Variants in SIMC1 observed in about 807,000 individuals in gnomAD.
SIMC1 encodes SUMO interacting motifs containing 1.
SIMC1 carries 55 observed loss-of-function variants against 82.3 expected under a neutral mutation model. That is an observed-to-expected ratio of 0.67 (90% CI 0.54 to 0.84). SIMC1 has a LOEUF of 0.84. Among genes scored for constraint, SIMC1 ranks in the 40% least tolerant of loss-of-function variants. The probability of loss-of-function intolerance (pLI) is 0.00; values close to 1 mark genes in which losing one functional copy is unlikely to be tolerated. For missense variants in SIMC1, 915 were observed against 1,107.2 expected (o/e 0.83, Z 2.46); for synonymous variants, 353 against 426.3 (o/e 0.83, Z 2.12).
intron 9 of SIMC1, among the ~76,000 whole-genome samples, chr5:176,337,448 G>A (rs1765951170): frequency 6.6e-6 from 1 of 152,122 alleles, no homozygotes; most frequent in South Asian, 2.1e-4. Flanking sequence ...ACAAAAATTA[G>A]CCAGGCGTGG....
Position 176,290,943 on chromosome 5 carries a change from A to C in SIMC1, c.1419A>C (p.Lys473Asn), listed in dbSNP as rs765570616. The C allele has an allele frequency of 2.5e-6, 4 of 1,586,972 alleles. No individual in the cohort carries two copies. Among genetic ancestry groups the C allele is most frequent in the Non-Finnish European group, 3.4e-6 (4 of 1,164,810 alleles). The change falls in exon 2 of 10, where the codon AAA (lysine) becomes AAC (asparagine). Residue 473 changes from lysine (K) to asparagine (N), a missense_variant. Transcript: ENST00000429602. Reference sequence around the variant, plus strand: ...TCTTTCAGACGCTAATACCGGATAAAGACACAAGAGAGGTGAGCTAACATC... The same window carrying C: ...TCTTTCAGACGCTAATACCGGATAACGACACAAGAGAGGTGAGCTAACATC... ...HLFFQTLIPDKDTRENKGQKL... is the reference protein window; with the variant it reads ...HLFFQTLIPDNDTRENKGQKL...
intron 1 of SIMC1, among the ~76,000 whole-genome samples, chr5:176,252,851 T>C (rs919753359): frequency 4.6e-5 from 7 of 152,156 alleles, no homozygotes; most frequent in Admixed American, 6.5e-5. Flanking sequence ...CTGGGCACCA[T>C]TGAGCACTGA....
In SIMC1 at chr5:176,297,489, C is replaced by T. The variant is rs1056785193; in HGVS notation, c.1734+1169C>T. The stretch of plus-strand genomic sequence containing the variant: ...TGCACTCTAGTCTGGGCAGCAAGAG[C>T]GAAACTCTGTCTCAAAAAAAAAAAA... On this transcript the variant is annotated intron_variant, in intron 4 of 9. Transcript: ENST00000429602. 4.2e-5 allele frequency among the ~76,000 whole-genome samples: 5 copies of T among 120,322 alleles called. No individual in the cohort carries two copies. In the Admixed American group the frequency reaches 4.6e-4, roughly 11 times the overall value. The allele number at this position is 120,322 out of a possible 152,430, so 78.9% of individuals were successfully genotyped here. A position where few individuals can be genotyped will look rare whatever the true frequency, so the allele number is the denominator to read the frequency against.
intron 5 of SIMC1, among the ~76,000 whole-genome samples, chr5:176,316,280 G>C (rs1404766143): frequency 6.6e-6 from 1 of 152,120 alleles, no homozygotes; most frequent in Non-Finnish European, 1.5e-5. Flanking sequence ...GAGTGAGTGG[G>C]ATACCCAAGG....
intron 4 of SIMC1, among the ~76,000 whole-genome samples, chr5:176,303,509 C>T (rs1015866311): frequency 3.3e-5 from 5 of 151,530 alleles, no homozygotes; most frequent in African/African-American, 4.9e-5. Context: ...TTAATAGAGA[C>T]GGGTTTCTCC....
chr5:176,246,170 T>C (rs1256219543), intron 1 of SIMC1, among the ~76,000 whole-genome samples: 2 of 151,226 alleles, frequency 1.3e-5, no homozygotes, highest in Admixed American at 1.3e-4. Flanking sequence ...CCACTACACC[T>C]GGCTAATTTT....
chr5:176,336,725 T>A lies in SIMC1; in HGVS notation c.2177T>A (p.Met726Lys), dbSNP rs772248367. 1.9e-6 allele frequency: 3 copies of A among 1,613,816 alleles called. No individual in the cohort carries two copies. In the African/African-American group the frequency reaches 4.0e-5, roughly 22 times the overall value. ...TCTTCCTCTTCTCCACACAGAGAAA[T>A]GTTCTTTACTACCATGGAAAGCCAC... ...LDIPERSQRE[M>K]FFTTMESHLL... is the part of the protein sequence containing the mutation. The change falls in exon 8 of 10, where the codon ATG (methionine) becomes AAG (lysine). Residue 726 changes from methionine to lysine, a missense_variant. Coordinates refer to ENST00000429602, the MANE Select transcript of SIMC1 (RefSeq NM_001308195.2).
intron 1 of SIMC1, among the ~76,000 whole-genome samples, chr5:176,250,226 A>C (rs1273665428): frequency 6.6e-6 from 1 of 152,180 alleles, no homozygotes; most frequent in Non-Finnish European, 1.5e-5. Flanking sequence ...TTATTTACCC[A>C]GTAGTTATTC....
Position 176,261,388 on chromosome 5 carries a change from T to A in SIMC1, c.129+22751T>A, listed in dbSNP as rs575265353. 2.8e-3 allele frequency among the ~76,000 whole-genome samples: 434 copies of A among 152,320 alleles called. 1 individual carries two copies. The highest frequency in any genetic ancestry group is 0.01 in the Middle Eastern group (3 of 294). On this transcript the variant is annotated intron_variant, in intron 1 of 9. Transcript: ENST00000429602. Reference sequence around the variant, plus strand: ...CCATTGGAATTTTGTTTGTAATTATTAAGCTTATAGATCAATTTGGGTAGA... The same window carrying A: ...CCATTGGAATTTTGTTTGTAATTATAAAGCTTATAGATCAATTTGGGTAGA...
intron 1 of SIMC1, among the ~76,000 whole-genome samples, chr5:176,274,689 G>T (rs1013915098): frequency 6.6e-6 from 1 of 151,864 alleles, no homozygotes; most frequent in Non-Finnish European, 1.5e-5. Flanking sequence ...CGTATAAGGT[G>T]TAAGGAAGGG....
chr5:176,331,677 G>T (rs1765678186), intron 7 of SIMC1, among the ~76,000 whole-genome samples: 1 of 151,392 alleles, frequency 6.6e-6, no homozygotes, highest in African/African-American at 2.4e-5. Flanking sequence ...GGATAAAGAA[G>T]ATGTGGTAGG....
In SIMC1 at chr5:176,289,992, A is replaced by G. The variant is rs1273122239; in HGVS notation, c.468A>G (p.Pro156=). ...CCATCAGTGGAGGCTCTGTTTATCC[A>G]ACAGAGCCTAATTGTAGCTCAGCCA... ...ATSISGGSVY[P]TEPNCSSATF... Residue 156 remains proline, a synonymous_variant, in exon 2 of 10, where the codon CCA becomes CCG. Transcript: ENST00000429602. 1.2e-6 allele frequency: 2 copies of G among 1,613,786 alleles called. No individual in the cohort carries two copies. The highest frequency in any genetic ancestry group is 1.7e-6 in the Non-Finnish European group (2 of 1,179,812).
At chr5:176,332,566 A>G (rs1765712989) in intron 7 of SIMC1, among the ~76,000 whole-genome samples, 2 of 152,330 alleles carry the variant, frequency 1.3e-5, no homozygotes, top group South Asian at 4.1e-4. Context: ...CTGGGATTAC[A>G]GACATGAGCC....
intron 4 of SIMC1, among the ~76,000 whole-genome samples, chr5:176,305,888 C>T (rs1279980718): frequency 1.2e-5 from 1 of 86,786 alleles, no homozygotes; most frequent in African/African-American, 4.8e-5. Flanking sequence ...GCCAGCCGCC[C>T]CGTCCGGGAG....
In SIMC1 at chr5:176,345,302, C is replaced by A; in HGVS notation, c.2533C>A (p.Arg845Ser). 6.2e-7 allele frequency: 1 copy of A among 1,613,944 alleles called. No homozygotes were observed. The highest frequency in any genetic ancestry group is 8.5e-7 in the Non-Finnish European group (1 of 1,179,882). The change falls in exon 10 of 10, where the codon CGC becomes AGC. Residue 845 changes from arginine to serine, a missense_variant. Transcript: ENST00000429602. Reference protein sequence around the residue: ...VDVEKQIEAFRSRLIQMLGEP... With the variant: ...VDVEKQIEAFSSRLIQMLGEP... ...CGTAGAGAAGCAGATTGAGGCCTTC[C>A]GCAGCCGCCTGATCCAGATGCTGGG...
chr5:176,280,566 G>T (rs953801060), intron 1 of SIMC1, among the ~76,000 whole-genome samples: 9 of 152,096 alleles, frequency 5.9e-5, no homozygotes, highest in Admixed American at 2.0e-4. Context: ...TTTTGGAGCG[G>T]CTGGTACCGG....
At chr5:176,333,762 C>G (rs1765771877) in intron 7 of SIMC1, among the ~76,000 whole-genome samples, 1 of 151,778 alleles carries the variant, frequency 6.6e-6, no homozygotes, top group Non-Finnish European at 1.5e-5. Context: ...TTTTTTTTGC[C>G]CCAACCTCTC....
intron 5 of SIMC1, among the ~76,000 whole-genome samples, chr5:176,321,885 CTT>C (rs11418187): frequency 1.1e-5 from 1 of 90,720 alleles, no homozygotes; most frequent in African/African-American, 4.4e-5. Context: ...TTTTAGTTAG[CTT>C]TTTTTTTTTT....
chr5:176,339,446 A>G (rs1766038262), intron 9 of SIMC1, among the ~76,000 whole-genome samples: 1 of 152,208 alleles, frequency 6.6e-6, no homozygotes, highest in African/African-American at 2.4e-5. Context: ...CCTCAAAGAA[A>G]GGTGCATGTC....
Sources: allele counts gnomAD v4.1 joint callset (sites outside exome capture counted in the v4.1 genomes callset), GRCh38; gene constraint gnomAD v4.1.1; transcripts MANE v1.5; gene names NCBI Gene and HGNC (gene_info 2026-07-23, HGNC 2026-07-21).